AP5Z1: variants seen among roughly 807,000 people sequenced by gnomAD.
AP5Z1 encodes the protein adaptor related protein complex 5 subunit zeta 1, also known as AP-5 complex subunit zeta-1.
A neutral mutation model predicts 83.0 loss-of-function variants in AP5Z1; 106 were observed. The ratio of observed to expected loss-of-function variants is 1.28; its 90% CI spans 1.09 to 1.50. The LOEUF is 1.50. Ranked by LOEUF, AP5Z1 falls within the 40% of genes most tolerant of loss-of-function variation. The pLI is 0.00. For missense variants in AP5Z1, 1,565 were observed against 1,094.2 expected (o/e 1.43, Z -6.07); for synonymous variants, 751 against 514.1 (o/e 1.46, Z -6.23).
intron 4 of AP5Z1, 24 bp from the exon 5 acceptor site, chr7:4,783,665 C>A: frequency 6.5e-7 from 1 of 1,544,344 alleles, no homozygotes; most frequent in Non-Finnish European, 8.8e-7. Context: ...ACCTCACCTC[C>A]CCATGCCACC....
At chr7:4,790,069 C>A (rs1407098148) in intron 14 of AP5Z1, 140 bp downstream of exon 14, 3 of 1,224,596 alleles carry the variant, frequency 2.4e-6, no homozygotes, top group Non-Finnish European at 3.3e-6. Flanking sequence ...CTGCCACCCC[C>A]ACCCACAGCC....
chr7:4,781,051 C>A, intron 1 of AP5Z1, 124 bp from the exon 2 acceptor site: 2 of 1,263,018 alleles, frequency 1.6e-6, no homozygotes, highest in Non-Finnish European at 2.2e-6. Flanking sequence ...GCCGTGGAAC[C>A]GTGTTCCTCC....
intron 1 of AP5Z1, 23 bp from the exon 2 acceptor site, chr7:4,781,152 C>A: frequency 6.2e-7 from 1 of 1,611,454 alleles, no homozygotes; most frequent in Non-Finnish European, 8.5e-7. Flanking sequence ...CTTCTGGGTC[C>A]TGAAGTCCTC....
Position 4,786,309 on chromosome 7 carries a change from G to T in AP5Z1, c.1192G>T (p.Val398Leu). 6.2e-7 allele frequency: 1 copy of T among 1,613,810 alleles called. No individual in the cohort carries two copies. Among genetic ancestry groups the T allele is most frequent in the Non-Finnish European group, 8.5e-7 (1 of 1,179,810 alleles). ...VYQHLFTRIP[V>L]EQFHSPMLAF... The stretch of plus-strand genomic sequence containing the variant: ...CCAGCACCTGTTCACCAGGATCCCG[G>T]TGGAGCAGTTCCACAGCCCCATGCT... The change falls in exon 10 of 17, where the codon GTG (valine) becomes TTG (leucine). Residue 398 changes from valine to leucine, a missense_variant. Coordinates refer to ENST00000649063, the MANE Select transcript of AP5Z1 (RefSeq NM_014855.3).
At chr7:4,787,294 C>T (rs558443773) in intron 10 of AP5Z1, among the ~76,000 whole-genome samples, 1 of 152,032 alleles carries the variant, frequency 6.6e-6, no homozygotes, top group East Asian at 2.0e-4. Context: ...AGTTCAAGAC[C>T]AGCCTGGGCA....
In AP5Z1 at chr7:4,775,655, G is replaced by A; in HGVS notation, c.-61G>A. The A allele has an allele frequency of 6.3e-7, 1 of 1,599,716 alleles. No individual in the cohort carries two copies. Among genetic ancestry groups the A allele is most frequent in the Admixed American group, 1.7e-5 (1 of 59,448 alleles). ...TCCCGGAAGTTGACCGGGGTGCGGA[G>A]CTCCTGGGCTGCAGCTCCTGGAGTT... On this transcript the variant is annotated 5_prime_UTR_variant, in exon 1 of 17. Coordinates refer to ENST00000649063, the MANE Select transcript of AP5Z1 (RefSeq NM_014855.3).
intron 3 of AP5Z1, among the ~76,000 whole-genome samples, chr7:4,782,052 G>GTT (rs1781397407): frequency 6.6e-6 from 1 of 152,118 alleles, no homozygotes; most frequent in Non-Finnish European, 1.5e-5. Flanking sequence ...TCTTTTTGGG[G>GTT]TTTTTGTTTT....
chr7:4,778,986 A>G (rs958560724), intron 1 of AP5Z1, among the ~76,000 whole-genome samples: 2 of 146,750 alleles, frequency 1.4e-5, no homozygotes, highest in Admixed American at 1.4e-4. Flanking sequence ...AGCTGAGATT[A>G]TGCCACTGCA....
intron 13 of AP5Z1, 69 bp downstream of exon 13, chr7:4,789,020 C>G: frequency 7.4e-7 from 1 of 1,345,774 alleles, no homozygotes; most frequent in Non-Finnish European, 1.0e-6. Context: ...AGAGCCAGCA[C>G]TGGGGGGCCC....
chr7:4,791,051 C>CCA, intron 16 of AP5Z1, 64 bp from the exon 17 acceptor site: 1 of 1,495,822 alleles, frequency 6.7e-7, no homozygotes, highest in Non-Finnish European at 8.9e-7. Context: ...CCTGGCCCCT[C>CCA]CACACAGACC....
At chr7:4,777,809 C>T (rs557933935) in intron 1 of AP5Z1, among the ~76,000 whole-genome samples, 1 of 152,184 alleles carries the variant, frequency 6.6e-6, no homozygotes, top group Non-Finnish European at 1.5e-5. Flanking sequence ...CAGTTGCCCT[C>T]TGTTAGGGTT....
Position 4,794,296 on chromosome 7 carries a change from A to T in AP5Z1, c.*2911A>T, listed in dbSNP as rs1465604711. ...TGTGGGTGGGGCCAGATGAGAATAA[A>T]AGCAGGCTGCCCGAGCCAGCAGTGA... On this transcript the variant is annotated 3_prime_UTR_variant, in exon 17 of 17. Transcript: ENST00000649063. The T allele has an allele frequency of 6.6e-6, 1 of 152,200 alleles. No homozygotes were observed. The highest frequency in any genetic ancestry group is 1.5e-5 in the Non-Finnish European group (1 of 68,070). The allele number at this position is 152,200 out of a possible 1,614,324, so 9.4% of individuals were successfully genotyped here. A position where few individuals can be genotyped will look rare whatever the true frequency, so the allele number is the denominator to read the frequency against.
At position 4,786,413 on chromosome 7, in the gene AP5Z1, C is replaced by T. The variant is rs1445917813; in HGVS notation, c.1296C>T (p.Phe432=). ...SGHLSTLRLS[F]PNLFKFLAWN... ...ACCTCAGCACCCTCAGATTGAGCTTCCCCAACCTCTTTAAGGTATATTTGG... is the reference window on the plus strand; with the variant it reads ...ACCTCAGCACCCTCAGATTGAGCTTTCCCAACCTCTTTAAGGTATATTTGG... Residue 432 remains phenylalanine, a synonymous_variant, in exon 10 of 17, where the codon TTC becomes TTT. Transcript: ENST00000649063. 1 of 1,613,730 alleles carries T rather than the reference C, an allele frequency of 6.2e-7. No homozygotes were observed. The highest frequency in any genetic ancestry group is 8.5e-7 in the Non-Finnish European group (1 of 1,179,852).
Position 4,789,911 on chromosome 7 carries a change from A to T in AP5Z1, c.1787A>T (p.Tyr596Phe). The T allele has an allele frequency of 7.1e-6, 11 of 1,548,286 alleles. No homozygotes were observed. The South Asian group carries it at 9.5e-5, about 13-fold the overall frequency. ...GACTCGCTCTACCCGGCCCCAGGGT[A>T]CGCTGCCGGTGTGCACAGGTAGGTC... is the stretch of plus-strand genomic sequence containing the variant. Reference protein sequence around the residue: ...RSDSLYPAPGYAAGVHSVLSS... With the variant: ...RSDSLYPAPGFAAGVHSVLSS... Residue 596 changes from tyrosine to phenylalanine, a missense_variant, in exon 14 of 17, where the codon TAC becomes TTC. Transcript: ENST00000649063.
At chr7:4,780,905 T>C (rs2115101895) in intron 1 of AP5Z1, among the ~76,000 whole-genome samples, 1 of 152,314 alleles carries the variant, frequency 6.6e-6, no homozygotes, top group East Asian at 1.9e-4. Flanking sequence ...CCTTCTGCCC[T>C]GGGAACAAGA....
In AP5Z1 at chr7:4,785,511, A is replaced by T; in HGVS notation, c.970-11A>T. ...CGACTCGGCCCATTTGATGTGGTCC[A>T]TGTCCCGCAGTGCCTGGTGGAGGCC... On this transcript the variant is annotated splice_polypyrimidine_tract_variant and intron_variant, in intron 8 of 16. Transcript: ENST00000649063. 6.2e-7 allele frequency: 1 copy of T among 1,613,460 alleles called. No individual in the cohort carries two copies. The highest frequency in any genetic ancestry group is 1.7e-5 in the Admixed American group (1 of 59,998).
chr7:4,788,118 G>A lies in AP5Z1; in HGVS notation c.1455-36G>A, dbSNP rs117314846. ...GGGGGTGCCCTTGAGTGCAGGGGCC[G>A]CATCCCAGCCTGGCCTTGGGCGTCT... On this transcript the variant is annotated intron_variant, in intron 11 of 16. Transcript: ENST00000649063. 15,512 of 1,492,578 alleles carry A rather than the reference G, an allele frequency of 0.01. 113 individuals carry two copies. The highest frequency in any genetic ancestry group is 0.033 in the Middle Eastern group (137 of 4,126). The allele number at this position is 1,492,578 out of a possible 1,614,324, so 92.5% of individuals were successfully genotyped here.
chr7:4,780,940 T>A (rs1781364057), intron 1 of AP5Z1, among the ~76,000 whole-genome samples: 1 of 152,124 alleles, frequency 6.6e-6, no homozygotes, highest in Non-Finnish European at 1.5e-5. Context: ...GGGGCCTCCG[T>A]GAGTGAGATT....
At chr7:4,783,194 A>G (rs1487792743) in intron 3 of AP5Z1, 122 bp from the exon 4 acceptor site, 2 of 1,407,452 alleles carry the variant, frequency 1.4e-6, no homozygotes, top group African/African-American at 1.4e-5. Flanking sequence ...CCTCCCTGCC[A>G]CCTGCTAGGC....
Sources: allele counts gnomAD v4.1 joint callset (sites outside exome capture counted in the v4.1 genomes callset), GRCh38; gene constraint gnomAD v4.1.1; transcripts MANE v1.5; gene names NCBI Gene and HGNC (gene_info 2026-07-23, HGNC 2026-07-21).